The following GNB1L variants were observed in gnomAD, a reference collection of about 807,000 sequenced individuals.
GNB1L encodes G protein subunit beta 1 like, also known as guanine nucleotide-binding protein subunit beta-like protein 1.
GNB1L carries 20 observed loss-of-function variants against 29.1 expected under a neutral mutation model. The ratio of observed to expected loss-of-function variants is 0.69; its 90% CI spans 0.48 to 1.00. GNB1L has a LOEUF of 1.00. GNB1L is among the 50% of genes least tolerant of loss of function. The pLI, the probability that GNB1L is intolerant of heterozygous loss-of-function variation, is 0.00. For synonymous variants in GNB1L, 193 were observed against 206.5 expected, an observed-to-expected ratio of 0.93 and a Z score of 0.56; for missense variants, 421 against 464.9, an observed-to-expected ratio of 0.91 and a Z score of 0.87.
chr22:19,810,312 C>T (rs1257915310), intron 5 of GNB1L, among the ~76,000 whole-genome samples: 1 of 152,170 alleles, frequency 6.6e-6, no homozygotes, highest in Non-Finnish European at 1.5e-5. Flanking sequence ...CAAAAGACCC[C>T]TCTGGGGACA....
chr22:19,839,469 C>T (rs1298614422), intron 2 of GNB1L, among the ~76,000 whole-genome samples: 2 of 152,128 alleles, frequency 1.3e-5, no homozygotes, highest in Non-Finnish European at 2.9e-5. Context: ...TAGAGACAGG[C>T]ACAGTGGTTC....
intron 3 of GNB1L, 100 bp downstream of exon 3, chr22:19,821,128 C>T (rs1232170233): frequency 8.1e-7 from 1 of 1,240,024 alleles, no homozygotes; most frequent in Non-Finnish European, 1.1e-6. Flanking sequence ...CAGTCCATGC[C>T]CCTTGGCCAG....
Position 19,844,140 on chromosome 22 carries a change from C to T in GNB1L, c.-21+10303G>A, listed in dbSNP as rs2145899092. Among the ~76,000 whole-genome samples, 3 of 152,326 alleles carry T rather than the reference C, an allele frequency of 2.0e-5. No individual in the cohort carries two copies. The Middle Eastern group carries it at 0.01, about 518-fold the overall frequency. ...CACGGTGCCTACATGCTGAACCCCA[C>T]CAGGTCTGTGCCGCCCCCTTCCAGA... On this transcript the variant is annotated intron_variant, in intron 2 of 7. Transcript: ENST00000329517.
intron 4 of GNB1L, among the ~76,000 whole-genome samples, chr22:19,813,120 GAAC>G (rs775742637): frequency 1.3e-5 from 2 of 152,184 alleles, no homozygotes; most frequent in Admixed American, 6.5e-5. Flanking sequence ...AAGTCAATAT[GAAC>G]AACGAGTGTT....
chr22:19,844,066 A>G (rs1298959027), intron 2 of GNB1L, among the ~76,000 whole-genome samples: 1 of 152,158 alleles, frequency 6.6e-6, no homozygotes, highest in Non-Finnish European at 1.5e-5. Flanking sequence ...TGAGACCCAC[A>G]GTGCCCCACC....
chr22:19,808,943 G>A (rs760487505), intron 5 of GNB1L, among the ~76,000 whole-genome samples: 3 of 152,072 alleles, frequency 2.0e-5, no homozygotes, highest in Non-Finnish European at 4.4e-5. Flanking sequence ...GTCTGGGAGG[G>A]TGTAGACCAC....
Position 19,783,596 on chromosome 22 carries a change from A to C in GNB1L, c.*5113T>G. The C allele has an allele frequency of 5.8e-6, 1 of 170,948 alleles. No individual in the cohort carries two copies. The highest frequency in any genetic ancestry group is 1.3e-5 in the Non-Finnish European group (1 of 79,174). The allele number at this position is 170,948 out of a possible 1,614,324, so 10.6% of individuals were successfully genotyped here. A position where few individuals can be genotyped will look rare whatever the true frequency, so the allele number is the denominator to read the frequency against. On this transcript the variant is annotated 3_prime_UTR_variant, in exon 8 of 8. Coordinates refer to ENST00000329517, the MANE Select transcript of GNB1L (RefSeq NM_053004.3). ...AAACAAACAAACAAACCAAAAAACAAAACAGCTTATGAGCACCTCCTACTA... is the reference window on the plus strand; with the variant it reads ...AAACAAACAAACAAACCAAAAAACACAACAGCTTATGAGCACCTCCTACTA...
chr22:19,824,378 C>T (rs950057729), intron 2 of GNB1L, among the ~76,000 whole-genome samples: 10 of 152,200 alleles, frequency 6.6e-5, no homozygotes, highest in Admixed American at 1.3e-4. Context: ...GCTGTCCTTG[C>T]GGTGGCCCCG....
chr22:19,845,461 G>T (rs1390740091), intron 2 of GNB1L, among the ~76,000 whole-genome samples: 1 of 152,226 alleles, frequency 6.6e-6, no homozygotes, highest in Non-Finnish European at 1.5e-5. Flanking sequence ...CACAGCAGGG[G>T]GCAGGGGAGT....
In GNB1L at chr22:19,786,138, C is replaced by T. The variant is rs1293254812; in HGVS notation, c.*2571G>A. On this transcript the variant is annotated 3_prime_UTR_variant, in exon 8 of 8. Transcript: ENST00000329517. ...GCTGGATCTGCCTGGCAAGGGGGGCCCTATCTGCCTAGCCACCCAGATGCG... is the reference window on the plus strand; with the variant it reads ...GCTGGATCTGCCTGGCAAGGGGGGCTCTATCTGCCTAGCCACCCAGATGCG... 6.6e-6 allele frequency: 1 copy of T among 152,288 alleles called. No homozygotes were observed. The highest frequency in any genetic ancestry group is 1.5e-5 in the Non-Finnish European group (1 of 68,120). The allele number at this position is 152,288 out of a possible 1,614,324, so 9.4% of individuals were successfully genotyped here. A position where few individuals can be genotyped will look rare whatever the true frequency, so the allele number is the denominator to read the frequency against.
chr22:19,822,297 G>C (rs1303720644), intron 2 of GNB1L, among the ~76,000 whole-genome samples: 2 of 152,150 alleles, frequency 1.3e-5, no homozygotes, highest in Non-Finnish European at 2.9e-5. Context: ...GGCTCCTTAG[G>C]AGAGCTGCGG....
In GNB1L at chr22:19,783,631, G is replaced by T; in HGVS notation, c.*5078C>A. The T allele has an allele frequency of 6.0e-6, 1 of 167,472 alleles. No individual in the cohort carries two copies. The highest frequency in any genetic ancestry group is 1.3e-5 in the Non-Finnish European group (1 of 77,166). The allele number at this position is 167,472 out of a possible 1,614,324, so 10.4% of individuals were successfully genotyped here. A position where few individuals can be genotyped will look rare whatever the true frequency, so the allele number is the denominator to read the frequency against. ...TGAGCACCTCCTACTAATTTCCTCAGCTTAGCACACCCTGTGGCCGTTGTC... is the reference window on the plus strand; with the variant it reads ...TGAGCACCTCCTACTAATTTCCTCATCTTAGCACACCCTGTGGCCGTTGTC... On this transcript the variant is annotated 3_prime_UTR_variant, in exon 8 of 8. Coordinates refer to ENST00000329517, the MANE Select transcript of GNB1L (RefSeq NM_053004.3).
chr22:19,827,289 T>C (rs1937627025), intron 2 of GNB1L, among the ~76,000 whole-genome samples: 1 of 152,224 alleles, frequency 6.6e-6, no homozygotes, highest in African/African-American at 2.4e-5. Context: ...AATCTCTACC[T>C]ATCTATGTAT....
Position 19,788,671 on chromosome 22 carries a change from G to A in GNB1L, c.*38C>T, listed in dbSNP as rs1937215416. On this transcript the variant is annotated 3_prime_UTR_variant, in exon 8 of 8. Transcript: ENST00000329517. ...GCTGGGGCCTGATGCCCACCTCCCT[G>A]CCCGCCCTCCTCGTCTCCCGGGAAG... The A allele has an allele frequency of 6.2e-7, 1 of 1,612,070 alleles. No individual in the cohort carries two copies. The highest frequency in any genetic ancestry group is 8.5e-7 in the Non-Finnish European group (1 of 1,179,394).
At chr22:19,827,020 T>C (rs747146906) in intron 2 of GNB1L, among the ~76,000 whole-genome samples, 3 of 152,052 alleles carry the variant, frequency 2.0e-5, no homozygotes, top group Admixed American at 6.6e-5. Flanking sequence ...AAACATGACA[T>C]ATAAACCTTA....
intron 6 of GNB1L, 110 bp downstream of exon 6, chr22:19,806,549 G>T: frequency 1.5e-6 from 1 of 670,332 alleles, no homozygotes; most frequent in East Asian, 2.7e-5. Context: ...TGCGGCAGGG[G>T]GGTGGGGTGT....
At chr22:19,850,380 G>A (rs1012695490) in intron 2 of GNB1L, 6 of 987,460 alleles carry the variant, frequency 6.1e-6, no homozygotes, top group East Asian at 1.1e-4. Context: ...TGCTGAATCC[G>A]CAATGCATGC....
At chr22:19,837,867 G>C (rs909501163) in intron 2 of GNB1L, among the ~76,000 whole-genome samples, 2 of 152,188 alleles carry the variant, frequency 1.3e-5, no homozygotes, top group Non-Finnish European at 2.9e-5. Flanking sequence ...CAGAAAAAGA[G>C]AGTAAATTCT....
chr22:19,804,517 A>G (rs570987826), intron 6 of GNB1L, among the ~76,000 whole-genome samples: 67 of 152,356 alleles, frequency 4.4e-4, no homozygotes, highest in African/African-American at 1.6e-3. Context: ...TCAGCTGCTT[A>G]GAGGAGCAAA....
Sources: gnomAD v4.1 joint callset for allele counts (sites outside exome capture counted in the v4.1 genomes callset) on GRCh38, gnomAD v4.1.1 for gene constraint, MANE v1.5 for transcripts, NCBI Gene and HGNC (gene_info 2026-07-23, HGNC 2026-07-21) for gene names.